The following DPY19L4 variants were observed in gnomAD, a reference collection of about 807,000 sequenced individuals.
DPY19L4 encodes probable C-mannosyltransferase DPY19L4.
DPY19L4 carries 97 observed loss-of-function variants against 102.8 expected under a neutral mutation model. The observed-to-expected ratio is 0.94, with a 90% CI of 0.80 to 1.12. The LOEUF (loss-of-function observed/expected upper bound fraction) is 1.12. DPY19L4 is among the 50% of genes most tolerant of loss of function. The pLI is 0.00. For synonymous variants in DPY19L4, 252 were observed against 283.1 expected (o/e 0.89, Z 1.10); for missense variants, 815 against 850.4 (o/e 0.96, Z 0.52).
At position 94,742,344 on chromosome 8, in the gene DPY19L4, C is replaced by T. The variant is rs566935060; in HGVS notation, c.611+2554C>T. ...CTGCACTCCAGCCTGGGCGACAGAGCGAGACTCCGTCTCAAAAAAAAAGAA... is the reference window on the plus strand; with the variant it reads ...CTGCACTCCAGCCTGGGCGACAGAGTGAGACTCCGTCTCAAAAAAAAAGAA... On this transcript the variant is annotated intron_variant, in intron 6 of 18. Transcript: ENST00000414645. Among the ~76,000 whole-genome samples, 78 of 151,478 alleles carry T rather than the reference C, an allele frequency of 5.1e-4. No individual in the cohort carries two copies. In the East Asian group the frequency reaches 6.3e-3, roughly 12 times the overall value.
intron 16 of DPY19L4, among the ~76,000 whole-genome samples, chr8:94,781,447 G>C (rs1407421251): frequency 6.6e-6 from 1 of 152,186 alleles, no homozygotes; most frequent in African/African-American, 2.4e-5. Flanking sequence ...CTTTTATTTA[G>C]ATACTCAAGA....
rs1026797287 is a variant in DPY19L4, at chr8:94,792,936, A to T, written c.*3026A>T. The T allele has an allele frequency of 6.6e-6, 1 of 152,196 alleles. No individual in the cohort carries two copies. Among genetic ancestry groups the T allele is most frequent in the Non-Finnish European group, 1.5e-5 (1 of 68,036 alleles). 9.4% of individuals were successfully genotyped at this position (152,196 alleles called of 1,614,324 possible). Reference sequence around the variant, plus strand: ...CCAAATGCCAGACAAAGAATCTAACATAAAATTTACCTTGAATAAGATATA... The same window carrying T: ...CCAAATGCCAGACAAAGAATCTAACTTAAAATTTACCTTGAATAAGATATA... On this transcript the variant is annotated 3_prime_UTR_variant, in exon 19 of 19. Coordinates refer to ENST00000414645, the MANE Select transcript of DPY19L4 (RefSeq NM_181787.3).
At chr8:94,788,095 A>AT (rs758246219) in intron 18 of DPY19L4, 43 bp downstream of exon 18, 800 of 969,246 alleles carry the variant, frequency 8.3e-4, no homozygotes, top group Admixed American at 1.2e-3. Context: ...ATATATATAT[A>AT]TTTTTTTTTT....
chr8:94,764,689 G>GTGTGTGTATATATATATATATA (rs1415377058), intron 8 of DPY19L4, among the ~76,000 whole-genome samples: 1 of 43,210 alleles, frequency 2.3e-5, no homozygotes, highest in African/African-American at 1.1e-4. Flanking sequence ...GTCTGTGTGT[G>GTGTGTGTATATATATATATATA]TATATATATA....
At position 94,751,721 on chromosome 8, in the gene DPY19L4, C is replaced by T. The variant is rs561583490; in HGVS notation, c.612-4315C>T. Among the ~76,000 whole-genome samples the T allele has an allele frequency of 5.3e-5, 8 of 151,624 alleles. No individual in the cohort carries two copies. In the East Asian group the frequency reaches 1.6e-3, roughly 30 times the overall value. On this transcript the variant is annotated intron_variant, in intron 6 of 18. Transcript: ENST00000414645. ...CCCAGGCTGATCTCGAACTCCTGGG[C>T]TCAAACGATTCAGACGCCTCAGCCT...
At position 94,734,733 on chromosome 8, in the gene DPY19L4, A is replaced by G; in HGVS notation, c.231A>G (p.Lys77=). The stretch of plus-strand genomic sequence containing the variant: ...ACTTATCAGCATACCATGAACGGAA[A>G]TTCTGGTTTTCCAACAGGCAGGTAA... ...ALYLSAYHER[K]FWFSNRQELE... Residue 77 remains lysine, a synonymous_variant, in exon 3 of 19, where the codon AAA becomes AAG. Coordinates refer to ENST00000414645, the MANE Select transcript of DPY19L4 (RefSeq NM_181787.3). 1 of 1,613,670 alleles carries G rather than the reference A, an allele frequency of 6.2e-7. No homozygotes were observed. Among genetic ancestry groups the G allele is most frequent in the Non-Finnish European group, 8.5e-7 (1 of 1,179,916 alleles).
intron 6 of DPY19L4, among the ~76,000 whole-genome samples, chr8:94,755,129 T>G (rs944794268): frequency 9.2e-5 from 14 of 152,146 alleles, no homozygotes; most frequent in Admixed American, 7.9e-4. Context: ...TTCAAAAGTC[T>G]CTAAGTATAT....
chr8:94,767,061 C>T (rs1181661351), intron 11 of DPY19L4, among the ~76,000 whole-genome samples: 1 of 147,082 alleles, frequency 6.8e-6, no homozygotes, highest in Non-Finnish European at 1.5e-5. Flanking sequence ...CGGTGAGACC[C>T]TGTCTAAAAA....
intron 11 of DPY19L4, 55 bp downstream of exon 11, chr8:94,766,740 A>AT (rs1314180970): frequency 9.9e-6 from 15 of 1,513,566 alleles, no homozygotes; most frequent in Non-Finnish European, 1.4e-5. Flanking sequence ...GAAAATAAAG[A>AT]TAAAAAATAC....
intron 12 of DPY19L4, among the ~76,000 whole-genome samples, chr8:94,769,499 G>T (rs926990921): frequency 1.3e-5 from 2 of 151,826 alleles, no homozygotes; most frequent in Non-Finnish European, 1.5e-5. Context: ...TTTACTTAAC[G>T]TAAGAATAAT....
At chr8:94,726,538 T>C in intron 2 of DPY19L4, 97 bp downstream of exon 2, 1 of 1,004,260 alleles carries the variant, frequency 1.0e-6, no homozygotes, top group Non-Finnish European at 1.4e-6. Flanking sequence ...TATTTTGAGA[T>C]TAAGTATATG....
Position 94,789,901 on chromosome 8 carries a change from C to T in DPY19L4, c.2163C>T (p.Phe721=), listed in dbSNP as rs145653029. The T allele has an allele frequency of 2.0e-4, 316 of 1,590,810 alleles. No individual in the cohort carries two copies. The highest frequency in any genetic ancestry group is 2.3e-4 in the South Asian group (20 of 85,474). The part of the protein sequence containing the change: ...FVYKINTVIS[F]QS ...ATAAAATCAACACTGTGATATCCTT[C>T]CAGTCTTGAAAAATAACAGAGCCTT... Residue 721 remains phenylalanine, a synonymous_variant, in exon 19 of 19, where the codon TTC becomes TTT. Transcript: ENST00000414645.
intron 17 of DPY19L4, among the ~76,000 whole-genome samples, chr8:94,786,180 G>T (rs1292102484): frequency 6.6e-6 from 1 of 152,114 alleles, no homozygotes; most frequent in East Asian, 1.9e-4. Flanking sequence ...AGGCTGGAGT[G>T]CAGTGGCACA....
intron 2 of DPY19L4, 105 bp downstream of exon 2, chr8:94,726,546 A>G (rs1810697947): frequency 2.1e-6 from 2 of 931,552 alleles, no homozygotes; most frequent in South Asian, 2.0e-5. Flanking sequence ...GATTAAGTAT[A>G]TGCTCAGCTT....
chr8:94,791,204 T>C lies in DPY19L4; in HGVS notation c.*1294T>C, dbSNP rs1223974400. ...AAATTGCATTTTCAGTACTCTAAATTACTACATTAGAAGAGAGCATTTCTC... is the reference window on the plus strand; with the variant it reads ...AAATTGCATTTTCAGTACTCTAAATCACTACATTAGAAGAGAGCATTTCTC... On this transcript the variant is annotated 3_prime_UTR_variant, in exon 19 of 19. Transcript: ENST00000414645. The C allele has an allele frequency of 1.3e-5, 2 of 152,178 alleles. No individual in the cohort carries two copies. Among genetic ancestry groups the C allele is most frequent in the Non-Finnish European group, 2.9e-5 (2 of 67,978 alleles). The allele number at this position is 152,178 out of a possible 1,614,324, so 9.4% of individuals were successfully genotyped here. A position where few individuals can be genotyped will look rare whatever the true frequency, so the allele number is the denominator to read the frequency against.
intron 6 of DPY19L4, among the ~76,000 whole-genome samples, chr8:94,744,119 T>C (rs1811565301): frequency 6.6e-6 from 1 of 152,264 alleles, no homozygotes; most frequent in African/African-American, 2.4e-5. Context: ...CTCACATATT[T>C]CGGTGGGTCA....
intron 17 of DPY19L4, 64 bp downstream of exon 17, chr8:94,783,866 G>T (rs1446518359): frequency 3.2e-6 from 5 of 1,572,800 alleles, no homozygotes; most frequent in Non-Finnish European, 4.3e-6. Flanking sequence ...AGCATAGTCT[G>T]CAGTATACAT....
chr8:94,737,592 G>A (rs2130813056), intron 3 of DPY19L4, among the ~76,000 whole-genome samples: 1 of 151,404 alleles, frequency 6.6e-6, no homozygotes, highest in Admixed American at 6.6e-5. Flanking sequence ...GACCATCCTG[G>A]CTAACACGGT....
At chr8:94,726,068 A>G (rs1271826869) in intron 1 of DPY19L4, among the ~76,000 whole-genome samples, 1 of 152,212 alleles carries the variant, frequency 6.6e-6, no homozygotes, top group Non-Finnish European at 1.5e-5. Flanking sequence ...GGATGTTTTG[A>G]AAATTCCATC....
Sources: gnomAD v4.1 joint callset for allele counts (sites outside exome capture counted in the v4.1 genomes callset) on GRCh38, gnomAD v4.1.1 for gene constraint, MANE v1.5 for transcripts, NCBI Gene and HGNC (gene_info 2026-07-23, HGNC 2026-07-21) for gene names.